SLCO5A1: variants seen among roughly 807,000 people sequenced by gnomAD.
SLCO5A1 encodes the protein organic anion transporter polypeptide-related protein 4.
In SLCO5A1, 39 loss-of-function variants were observed where a neutral mutation model predicts 65.1. The observed-to-expected ratio is 0.60, with a 90% CI of 0.46 to 0.78. The LOEUF (loss-of-function observed/expected upper bound fraction) is 0.78, where lower values mean the gene tolerates loss of function less well. Among genes scored for constraint, SLCO5A1 ranks in the 30% least tolerant of loss-of-function variants. The pLI is 0.00. For synonymous variants in SLCO5A1, 438 were observed against 415.7 expected, an observed-to-expected ratio of 1.05 and a Z score of -0.65; for missense variants, 1,029 against 1,069.4, an observed-to-expected ratio of 0.96 and a Z score of 0.53.
intron 2 of SLCO5A1, among the ~76,000 whole-genome samples, chr8:69,807,359 T>C (rs577270638): frequency 3.3e-5 from 5 of 152,358 alleles, no homozygotes; most frequent in Middle Eastern, 3.4e-3. Context: ...TGGTAAGACA[T>C]TTAAAATCCT....
intron 6 of SLCO5A1, among the ~76,000 whole-genome samples, chr8:69,698,270 G>T (rs1472007006): frequency 6.6e-6 from 1 of 152,130 alleles, no homozygotes; most frequent in Middle Eastern, 3.2e-3. Context: ...TGGCCATTTA[G>T]ATTGATTCCA....
intron 2 of SLCO5A1, among the ~76,000 whole-genome samples, chr8:69,768,730 C>T (rs1189319699): frequency 6.6e-6 from 1 of 152,146 alleles, no homozygotes; most frequent in Non-Finnish European, 1.5e-5. Context: ...CCTCATCTCA[C>T]CTTAACAACC....
chr8:69,795,671 T>C (rs977106253), intron 2 of SLCO5A1, among the ~76,000 whole-genome samples: 6 of 152,124 alleles, frequency 3.9e-5, no homozygotes, highest in Non-Finnish European at 7.4e-5. Flanking sequence ...TATTCTGGGG[T>C]CTGGAGGATG....
chr8:69,733,919 CA>C (rs1222143131), intron 5 of SLCO5A1, among the ~76,000 whole-genome samples: 1 of 152,150 alleles, frequency 6.6e-6, no homozygotes, highest in Non-Finnish European at 1.5e-5. Context: ...CAGGCTTCTC[CA>C]AAATACCAAC....
chr8:69,826,137 G>C (rs76962867), intron 2 of SLCO5A1, among the ~76,000 whole-genome samples: 51,498 of 151,856 alleles, frequency 0.34, 8,804 homozygotes, highest in African/African-American at 0.39. Context: ...ATTCAAGATG[G>C]ATTAAAGACT....
In SLCO5A1 at chr8:69,730,714, G is replaced by A. The variant is rs57778180; in HGVS notation, c.1423+7326C>T. 2.7e-3 allele frequency among the ~76,000 whole-genome samples: 415 copies of A among 152,226 alleles called. 2 individuals are homozygous for A. The highest frequency in any genetic ancestry group is 9.0e-3 in the African/African-American group (374 of 41,522). ...GAGGATGGTTTGTACCAGCTTGTCA[G>A]CATTGTTTATTGACAAAAATGAGCA... On this transcript the variant is annotated intron_variant, in intron 5 of 9. Transcript: ENST00000260126.
chr8:69,689,974 T>C (rs1814174437), intron 6 of SLCO5A1, among the ~76,000 whole-genome samples: 2 of 152,236 alleles, frequency 1.3e-5, no homozygotes, highest in Non-Finnish European at 2.9e-5. Flanking sequence ...CTCATGAGCA[T>C]GGAATGTTCT....
In SLCO5A1 at chr8:69,821,593, G is replaced by A. The variant is rs139231670; in HGVS notation, c.907+10174C>T. On this transcript the variant is annotated intron_variant, in intron 2 of 9. Coordinates refer to ENST00000260126, the MANE Select transcript of SLCO5A1 (RefSeq NM_030958.3). ...GGAGGCTGAGGAGGGCAGATCACTTGAGGCTAGGAGTTCAAGAACAGCCTG... is the reference window on the plus strand; with the variant it reads ...GGAGGCTGAGGAGGGCAGATCACTTAAGGCTAGGAGTTCAAGAACAGCCTG... Among the ~76,000 whole-genome samples, 329 of 152,146 alleles carry A rather than the reference G, an allele frequency of 2.2e-3. 11 individuals are homozygous for A. The East Asian group carries it at 0.057, about 26-fold the overall frequency.
chr8:69,774,840 G>A (rs978668438), intron 2 of SLCO5A1, among the ~76,000 whole-genome samples: 3 of 152,134 alleles, frequency 2.0e-5, no homozygotes, highest in Non-Finnish European at 4.4e-5. Context: ...AATCCACGTC[G>A]CCATGATACT....
chr8:69,729,392 C>T (rs1423343019), intron 5 of SLCO5A1, among the ~76,000 whole-genome samples: 6 of 133,282 alleles, frequency 4.5e-5, no homozygotes, highest in African/African-American at 1.7e-4. Flanking sequence ...TGCAGTGAGC[C>T]GAGATCGTGC....
intron 5 of SLCO5A1, among the ~76,000 whole-genome samples, chr8:69,705,560 T>C (rs1814933566): frequency 6.6e-6 from 1 of 152,164 alleles, no homozygotes; most frequent in South Asian, 2.1e-4. Flanking sequence ...TCAACCTCAT[T>C]ACACAGAAGG....
chr8:69,754,128 A>G (rs1586760392), intron 4 of SLCO5A1, among the ~76,000 whole-genome samples: 2 of 152,100 alleles, frequency 1.3e-5, no homozygotes, highest in Admixed American at 6.5e-5. Flanking sequence ...ATAATGGTCT[A>G]CAATAGGTTC....
intron 2 of SLCO5A1, among the ~76,000 whole-genome samples, chr8:69,820,074 C>G (rs1175746175): frequency 2.0e-5 from 3 of 152,260 alleles, no homozygotes. Flanking sequence ...ACTCCACCCT[C>G]CTCTCACCTG....
chr8:69,812,216 G>A (rs1820232932), intron 2 of SLCO5A1, among the ~76,000 whole-genome samples: 1 of 152,114 alleles, frequency 6.6e-6, no homozygotes, highest in Non-Finnish European at 1.5e-5. Context: ...CTTAACGTTA[G>A]TTTCAGAAAT....
chr8:69,738,313 G>T (rs1471265864), intron 4 of SLCO5A1, 109 bp from the exon 5 acceptor site: 1 of 963,646 alleles, frequency 1.0e-6, no homozygotes, highest in Non-Finnish European at 1.4e-6. Context: ...AGCAACATTT[G>T]CCACCAAGGA....
At chr8:69,791,220 C>T (rs1257898586) in intron 2 of SLCO5A1, among the ~76,000 whole-genome samples, 2 of 152,168 alleles carry the variant, frequency 1.3e-5, no homozygotes, top group East Asian at 1.9e-4. Context: ...GAGCTCCCAT[C>T]ACCACCCACC....
intron 2 of SLCO5A1, among the ~76,000 whole-genome samples, chr8:69,781,527 T>C (rs531042337): frequency 1.5e-4 from 23 of 152,364 alleles, no homozygotes; most frequent in Non-Finnish European, 2.6e-4. Context: ...TACTATAAGA[T>C]AACATTGGGC....
At chr8:69,744,339 C>T (rs1816932722) in intron 4 of SLCO5A1, among the ~76,000 whole-genome samples, 1 of 152,176 alleles carries the variant, frequency 6.6e-6, no homozygotes, top group South Asian at 2.1e-4. Context: ...GTTGCCCTGC[C>T]CCAAGCTTCA....
At chr8:69,751,892 C>T (rs1817319293) in intron 4 of SLCO5A1, among the ~76,000 whole-genome samples, 1 of 152,132 alleles carries the variant, frequency 6.6e-6, no homozygotes. Flanking sequence ...CTTCTACCTC[C>T]TCTTTGAAGG....
Sources: gnomAD v4.1 joint callset for allele counts (sites outside exome capture counted in the v4.1 genomes callset) on GRCh38, gnomAD v4.1.1 for gene constraint, MANE v1.5 for transcripts, NCBI Gene and HGNC (gene_info 2026-07-23, HGNC 2026-07-21) for gene names.